Variants in PCDHGA7 observed in about 807,000 individuals in gnomAD.
PCDHGA7 encodes the protein protocadherin gamma-A7.
A neutral mutation model predicts 58.3 loss-of-function variants in PCDHGA7; 44 were observed. The ratio of observed to expected loss-of-function variants is 0.75; its 90% confidence interval spans 0.59 to 0.97. The LOEUF (loss-of-function observed/expected upper bound fraction) is 0.97, where lower values mean the gene tolerates loss of function less well. PCDHGA7 is among the 50% of genes least tolerant of loss of function. The probability of loss-of-function intolerance (pLI) is 0.00; values close to 1 mark genes in which losing one functional copy is unlikely to be tolerated. For missense variants in PCDHGA7, 1,266 were observed against 1,188.7 expected (o/e 1.06, Z -0.96); for synonymous variants, 516 against 504.2 (o/e 1.02, Z -0.31).
chr5:141,428,293 C>T, intron 1 of PCDHGA7: 1 of 716,436 alleles, frequency 1.4e-6, no homozygotes, highest in South Asian at 1.6e-5. Context: ...AGCAAAGCTG[C>T]AGATTTACCT....
intron 1 of PCDHGA7, chr5:141,441,844 G>T: frequency 2.8e-6 from 1 of 355,710 alleles, no homozygotes. Context: ...CGCGCTCTTG[G>T]ATATGGTGCT....
At position 141,491,578 on chromosome 5, in the gene PCDHGA7, C is replaced by T. The variant is rs1438933474; in HGVS notation, c.2425-3229C>T. 7.4e-6 allele frequency: 12 copies of T among 1,613,888 alleles called. No homozygotes were observed. The highest frequency in any genetic ancestry group is 1.0e-5 in the Non-Finnish European group (12 of 1,180,044). On this transcript the variant is annotated intron_variant, in intron 1 of 3. Coordinates refer to ENST00000518325, the MANE Select transcript of PCDHGA7 (RefSeq NM_018920.4). This position sits in a 1 kb window ranked among gnomAD's most constrained non-coding sequence, Gnocchi z 6.9. ...CCACTGCTACAGGACGTGCTTTTCA[C>T]CGGCCTCGGACGGCAGTGACTTCAC...
rs188117490 is a variant in PCDHGA7 at position 141,507,256 on chromosome 5, C to G, written c.2572+1775C>G. 3 of 152,178 alleles carry G rather than the reference C, an allele frequency of 2.0e-5. No individual in the cohort carries two copies. In the East Asian group the frequency reaches 5.8e-4, roughly 29 times the overall value. The allele number at this position is 152,178 out of a possible 1,614,324, so 9.4% of individuals were successfully genotyped here. ...CAGTTACAGTTGAATGTCAGATAAA[C>G]AGCAAGTACTATTTCAGCATAAGTC... On this transcript the variant is annotated intron_variant, in intron 3 of 3. Coordinates refer to ENST00000518325, the MANE Select transcript of PCDHGA7 (RefSeq NM_018920.4).
chr5:141,409,412 C>A, intron 1 of PCDHGA7: 1 of 1,614,032 alleles, frequency 6.2e-7, no homozygotes, highest in Non-Finnish European at 8.5e-7. Flanking sequence ...CTACTACAAA[C>A]TGGTGACAGA....
chr5:141,448,763 A>AC (rs1372638258), intron 1 of PCDHGA7, among the ~76,000 whole-genome samples: 11 of 151,572 alleles, frequency 7.3e-5, no homozygotes, highest in Admixed American at 5.3e-4. Flanking sequence ...ACACGGTGAA[A>AC]CCCCGTCTGT....
rs899154780 is a variant in PCDHGA7, at chr5:141,402,932, A to C, written c.2424+17609A>C. ...AGCGCGCACAGAGATCCTTTTGAGAAAATTCCAAAGCGAGGCAGCAATGGC... is the reference window on the plus strand; with the variant it reads ...AGCGCGCACAGAGATCCTTTTGAGACAATTCCAAAGCGAGGCAGCAATGGC... On this transcript the variant is annotated intron_variant, in intron 1 of 3. Coordinates refer to ENST00000518325, the MANE Select transcript of PCDHGA7 (RefSeq NM_018920.4). 3 of 1,584,974 alleles carry C rather than the reference A, an allele frequency of 1.9e-6. No individual in the cohort carries two copies. In the Admixed American group the frequency reaches 5.4e-5, roughly 29 times the overall value.
At chr5:141,405,355 A>G in intron 1 of PCDHGA7, 2 of 1,613,990 alleles carry the variant, frequency 1.2e-6, no homozygotes, top group South Asian at 1.1e-5. Flanking sequence ...AGTTTCCTAT[A>G]GAAGACACCC....
chr5:141,491,641 C>T lies in PCDHGA7; in HGVS notation c.2425-3166C>T. Reference sequence around the variant, plus strand: ...CCTCAGCGTTCAGCAGCCCACAGCTCTGGCGCTGGAGCCTGACGCCATCCG... The same window carrying T: ...CCTCAGCGTTCAGCAGCCCACAGCTTTGGCGCTGGAGCCTGACGCCATCCG... On this transcript the variant is annotated intron_variant, in intron 1 of 3. Coordinates refer to ENST00000518325, the MANE Select transcript of PCDHGA7 (RefSeq NM_018920.4). The surrounding 1 kb of genome is among the most constrained non-coding windows in gnomAD (Gnocchi z 6.9). The T allele has an allele frequency of 6.2e-7, 1 of 1,613,896 alleles. No homozygotes were observed. Among genetic ancestry groups the T allele is most frequent in the Non-Finnish European group, 8.5e-7 (1 of 1,180,018 alleles).
chr5:141,415,883 G>A (rs2095968409), intron 1 of PCDHGA7: 1 of 983,982 alleles, frequency 1.0e-6, no homozygotes, highest in African/African-American at 1.7e-5. Context: ...GTACAATATT[G>A]ACAATTCCTA....
chr5:141,460,027 G>A (rs1002703325), intron 1 of PCDHGA7, among the ~76,000 whole-genome samples: 3 of 152,088 alleles, frequency 2.0e-5, no homozygotes, highest in East Asian at 1.9e-4. Flanking sequence ...GCAGTGAGCC[G>A]AGACTGCACC....
At chr5:141,394,324 A>G in intron 1 of PCDHGA7, 1 of 1,613,922 alleles carries the variant, frequency 6.2e-7, no homozygotes. Context: ...CTGTCCTCGT[A>G]TATCTCCATC....
In PCDHGA7 at chr5:141,505,352, C is replaced by T. The variant is rs371829394; in HGVS notation, c.2484-41C>T. 1.5e-5 allele frequency: 25 copies of T among 1,613,302 alleles called. No individual in the cohort carries two copies. In the South Asian group the frequency reaches 2.7e-4, roughly 18 times the overall value. ...AGGACAGGAGGGGCATGAGCTGTGCCGGCCTGGGAGTCTGTGCTCACCATC... is the reference window on the plus strand; with the variant it reads ...AGGACAGGAGGGGCATGAGCTGTGCTGGCCTGGGAGTCTGTGCTCACCATC... On this transcript the variant is annotated intron_variant, in intron 2 of 3. Transcript: ENST00000518325.
At position 141,383,916 on chromosome 5, in the gene PCDHGA7, T is replaced by A; in HGVS notation, c.1017T>A (p.Asp339Glu). The A allele has an allele frequency of 6.2e-7, 1 of 1,613,968 alleles. No homozygotes were observed. Among genetic ancestry groups the A allele is most frequent in the Non-Finnish European group, 8.5e-7 (1 of 1,179,890 alleles). ...TKAKVLITVL[D>E]VNDNAPEVTM... Reference sequence around the variant, plus strand: ...CAAAAGTACTGATCACAGTTTTAGATGTAAATGATAATGCTCCAGAAGTGA... The same window carrying A: ...CAAAAGTACTGATCACAGTTTTAGAAGTAAATGATAATGCTCCAGAAGTGA... The change falls in exon 1 of 4, where the codon GAT becomes GAA. Residue 339 changes from aspartate to glutamate, a missense_variant. By Grantham distance (45) the Asp-to-Glu change is conservative. Coordinates refer to ENST00000518325, the MANE Select transcript of PCDHGA7 (RefSeq NM_018920.4).
chr5:141,394,613 G>A (rs1402834373), intron 1 of PCDHGA7: 1 of 1,613,570 alleles, frequency 6.2e-7, no homozygotes, highest in Admixed American at 1.7e-5. Context: ...ACTCGGGCCA[G>A]AACGCCTGGC....
chr5:141,410,345 C>T, intron 1 of PCDHGA7: 1 of 1,614,040 alleles, frequency 6.2e-7, no homozygotes, highest in Non-Finnish European at 8.5e-7. Flanking sequence ...TGCCTTGCGC[C>T]TGCGACGCTC....
chr5:141,409,155 A>T, intron 1 of PCDHGA7: 1 of 1,614,036 alleles, frequency 6.2e-7, no homozygotes, highest in Non-Finnish European at 8.5e-7. Context: ...TACACCATGG[A>T]AGTGGAAGCG....
chr5:141,418,635 C>G, intron 1 of PCDHGA7: 1 of 1,614,018 alleles, frequency 6.2e-7, no homozygotes. Flanking sequence ...CCTCCAGGCA[C>G]CTCCATCCTG....
At chr5:141,408,978 C>A (rs1444971938) in intron 1 of PCDHGA7, 1 of 1,613,862 alleles carries the variant, frequency 6.2e-7, no homozygotes, top group African/African-American at 1.3e-5. Context: ...CCCCCTGGGT[C>A]CCCTGTGTTG....
chr5:141,425,241 AG>A (rs2096863585), intron 1 of PCDHGA7, among the ~76,000 whole-genome samples: 1 of 152,220 alleles, frequency 6.6e-6, no homozygotes, highest in Admixed American at 6.5e-5. Flanking sequence ...TTAAATAAAA[AG>A]GATATGAGGT....
Sources: gnomAD v4.1 joint callset for allele counts (sites outside exome capture counted in the v4.1 genomes callset) on GRCh38, gnomAD v4.1.1 for gene constraint, Gnocchi (gnomAD v3.1) non-coding constraint, MANE v1.5 for transcripts, NCBI Gene and HGNC (gene_info 2026-07-23, HGNC 2026-07-21) for gene names.